The following LRMDA variants were observed in gnomAD, a reference collection of about 807,000 sequenced individuals.
LRMDA encodes the protein leucine rich melanocyte differentiation associated.
In LRMDA, 18 loss-of-function variants were observed where a neutral mutation model predicts 29.8. That is an observed-to-expected ratio of 0.60 (90% CI 0.42 to 0.90). The LOEUF (loss-of-function observed/expected upper bound fraction) is 0.90. Ranked by LOEUF, LRMDA falls within the 40% of genes least tolerant of loss-of-function variation. The probability of loss-of-function intolerance (pLI) is 0.00; values close to 1 mark genes in which losing one functional copy is unlikely to be tolerated. For synonymous variants in LRMDA, 125 were observed against 109.4 expected (o/e 1.14, Z -0.89); for missense variants, 273 against 273.9 (o/e 1.00, Z 0.02).
chr10:76,004,460 G>A (rs1380684296), intron 2 of LRMDA, among the ~76,000 whole-genome samples: 1 of 152,172 alleles, frequency 6.6e-6, no homozygotes, highest in Non-Finnish European at 1.5e-5. Flanking sequence ...GATTGACGCA[G>A]AGTAAACTGC....
At chr10:76,308,256 T>G (rs1359567948) in intron 5 of LRMDA, among the ~76,000 whole-genome samples, 1 of 152,178 alleles carries the variant, frequency 6.6e-6, no homozygotes, top group African/African-American at 2.4e-5. Context: ...GTCTTTATTA[T>G]GCAACTTTGA....
At chr10:76,235,478 T>C (rs1290046050) in intron 5 of LRMDA, among the ~76,000 whole-genome samples, 2 of 151,976 alleles carry the variant, frequency 1.3e-5, no homozygotes, top group African/African-American at 2.4e-5. Context: ...ATCCTTCAGT[T>C]TGTAGAAAAA....
chr10:76,144,505 G>T (rs1850272050), intron 5 of LRMDA, among the ~76,000 whole-genome samples: 1 of 152,090 alleles, frequency 6.6e-6, no homozygotes, highest in Non-Finnish European at 1.5e-5. Flanking sequence ...TCTGTTATTG[G>T]TGTATAAGAA....
intron 2 of LRMDA, among the ~76,000 whole-genome samples, chr10:75,545,656 GC>G (rs1266106869): frequency 2.6e-5 from 4 of 152,130 alleles, no homozygotes; most frequent in Admixed American, 1.3e-4. Flanking sequence ...AGAAAACTGA[GC>G]CCCAGAGAGG....
At chr10:75,708,965 A>G (rs1261730388) in intron 2 of LRMDA, among the ~76,000 whole-genome samples, 1 of 152,186 alleles carries the variant, frequency 6.6e-6, no homozygotes, top group African/African-American at 2.4e-5. Context: ...GCATTTGCAT[A>G]GGAATAGGAA....
chr10:76,549,939 G>A (rs1554827363), intron 6 of LRMDA, among the ~76,000 whole-genome samples: 2 of 152,190 alleles, frequency 1.3e-5, no homozygotes, highest in Admixed American at 6.5e-5. Flanking sequence ...GCAGACTCAA[G>A]TCTTCTTGTC....
At chr10:76,123,374 C>T (rs1295180602) in intron 5 of LRMDA, among the ~76,000 whole-genome samples, 1 of 149,838 alleles carries the variant, frequency 6.7e-6, no homozygotes, top group East Asian at 2.0e-4. Flanking sequence ...CCAGGTATGG[C>T]GGCTCACACC....
chr10:76,203,259 C>G (rs1851466346), intron 5 of LRMDA, among the ~76,000 whole-genome samples: 1 of 152,144 alleles, frequency 6.6e-6, no homozygotes. Flanking sequence ...AGCTTCTTCA[C>G]TTGTAAAATG....
chr10:75,851,036 T>C (rs1287481778), intron 2 of LRMDA, among the ~76,000 whole-genome samples: 9 of 152,184 alleles, frequency 5.9e-5, no homozygotes, highest in African/African-American at 1.9e-4. Context: ...GAGGATCATT[T>C]TGGTGGTTGT....
intron 2 of LRMDA, among the ~76,000 whole-genome samples, chr10:75,899,662 C>T (rs1174428915): frequency 1.3e-5 from 2 of 152,190 alleles, no homozygotes; most frequent in South Asian, 2.1e-4. Context: ...CCAACTACAA[C>T]CTCTTAGATT....
At chr10:75,918,702 A>G (rs1341830243) in intron 2 of LRMDA, among the ~76,000 whole-genome samples, 1 of 152,248 alleles carries the variant, frequency 6.6e-6, no homozygotes, top group Non-Finnish European at 1.5e-5. Flanking sequence ...GAACTGAGCC[A>G]TAAGCAATGT....
At position 76,121,874 on chromosome 10, in the gene LRMDA, A is replaced by C. The variant is rs1443256404; in HGVS notation, c.516+63091A>C. Reference sequence around the variant, plus strand: ...CTATGGTTCCCATTGGGGATCATGCATTACTTTATTCCACAAACATTTATA... The same window carrying C: ...CTATGGTTCCCATTGGGGATCATGCCTTACTTTATTCCACAAACATTTATA... On this transcript the variant is annotated intron_variant, in intron 5 of 6. Coordinates refer to ENST00000611255, the MANE Select transcript of LRMDA (RefSeq NM_001305581.2). Among the ~76,000 whole-genome samples, 6 of 152,134 alleles carry C rather than the reference A, an allele frequency of 3.9e-5. No individual in the cohort carries two copies. In the East Asian group the frequency reaches 1.2e-3, roughly 29 times the overall value.
intron 5 of LRMDA, among the ~76,000 whole-genome samples, chr10:76,264,603 T>G (rs1312913): frequency 0.57 from 86,767 of 151,904 alleles, 25,862 homozygotes; most frequent in East Asian, 0.79. Flanking sequence ...TTTGCTCTCT[T>G]AAATTCCAGC....
chr10:75,568,068 C>A (rs1840394732), intron 2 of LRMDA, among the ~76,000 whole-genome samples: 1 of 152,100 alleles, frequency 6.6e-6, no homozygotes, highest in Non-Finnish European at 1.5e-5. Flanking sequence ...AGAAAGTAGA[C>A]AAATTGTAGT....
intron 2 of LRMDA, among the ~76,000 whole-genome samples, chr10:75,837,129 T>G (rs1844452487): frequency 6.6e-6 from 1 of 152,160 alleles, no homozygotes; most frequent in Non-Finnish European, 1.5e-5. Flanking sequence ...CTCAAGATAG[T>G]GCTGAGTGTT....
chr10:75,668,819 A>G (rs981566862), intron 2 of LRMDA, among the ~76,000 whole-genome samples: 4 of 152,222 alleles, frequency 2.6e-5, no homozygotes, highest in Admixed American at 6.5e-5. Context: ...GGGACTCCAG[A>G]GAATAAATTA....
chr10:76,397,126 G>A lies in LRMDA; in HGVS notation c.601+72641G>A, dbSNP rs546149801. On this transcript the variant is annotated intron_variant, in intron 6 of 6. Coordinates refer to ENST00000611255, the MANE Select transcript of LRMDA (RefSeq NM_001305581.2). ...TCATTTTATTAAACCATTTGTCAGG[G>A]GGCAGATGGGAAGTCTGTCTTTCCC... 2.0e-5 allele frequency among the ~76,000 whole-genome samples: 3 copies of A among 152,248 alleles called. No homozygotes were observed. The South Asian group carries it at 6.2e-4, about 32-fold the overall frequency.
chr10:76,330,716 A>G (rs1215918572), intron 6 of LRMDA, among the ~76,000 whole-genome samples: 2 of 152,082 alleles, frequency 1.3e-5, no homozygotes, highest in Non-Finnish European at 2.9e-5. Context: ...AGGTGCCACA[A>G]TTTCGGGTAT....
At chr10:76,221,071 AC>A (rs1279829090) in intron 5 of LRMDA, among the ~76,000 whole-genome samples, 9 of 152,084 alleles carry the variant, frequency 5.9e-5, no homozygotes, top group East Asian at 1.9e-4. Flanking sequence ...AAATTCAACA[AC>A]CCTTCATGCT....
Sources: gnomAD v4.1 joint callset for allele counts (sites outside exome capture counted in the v4.1 genomes callset) on GRCh38, gnomAD v4.1.1 for gene constraint, MANE v1.5 for transcripts, NCBI Gene and HGNC (gene_info 2026-07-23, HGNC 2026-07-21) for gene names.